Variants in SEMA3B observed in about 807,000 individuals in gnomAD.
SEMA3B encodes semaphorin 3B, also known as semaphorin-3B.
SEMA3B carries 71 observed loss-of-function variants against 77.8 expected under a neutral mutation model. The ratio of observed to expected loss-of-function variants is 0.91; its 90% CI spans 0.75 to 1.11. The LOEUF is 1.11. SEMA3B is among the 50% of genes most tolerant of loss of function. SEMA3B has a pLI of 0.00. For missense variants in SEMA3B, 968 were observed against 1,056.8 expected (o/e 0.92, Z 1.17); for synonymous variants, 470 against 452.9 (o/e 1.04, Z -0.48).
At chr3:50,263,467 C>G (rs1391111354), upstream of SEMA3B, 2 of 142,702 alleles carry the variant, frequency 1.4e-5, no homozygotes, top group Non-Finnish European at 3.0e-5. Flanking sequence ...CCACTGCACT[C>G]CAGCCTGGGT....
At position 50,269,334 on chromosome 3, in the gene SEMA3B, C is replaced by T. The variant is rs1209731029; in HGVS notation, c.94C>T (p.Arg32Trp). 3.0e-5 allele frequency: 46 copies of T among 1,508,552 alleles called. No individual in the cohort carries two copies. The highest frequency in any genetic ancestry group is 4.8e-5 in the Admixed American group (2 of 42,026). 93.4% of individuals were successfully genotyped at this position (1,508,552 alleles called of 1,614,324 possible). A position where few individuals can be genotyped will look rare whatever the true frequency, so the allele number is the denominator to read the frequency against. The change falls in exon 1 of 17, where the codon CGG (arginine) becomes TGG (tryptophan). Residue 32 changes from arginine (R) to tryptophan (W), a missense_variant. By Grantham distance (101) the Arg-to-Trp change is moderately radical. Coordinates refer to ENST00000616701, the MANE Select transcript of SEMA3B (RefSeq NM_001290060.2). This position sits in a 1 kb window ranked among gnomAD's most constrained non-coding sequence, Gnocchi z 4.0. ...TGCCGCCCCCAGCCCCCCACGCCTTCGGCTCTCCTTCCAAGGTAGGTGCAC... is the reference window on the plus strand; with the variant it reads ...TGCCGCCCCCAGCCCCCCACGCCTTTGGCTCTCCTTCCAAGGTAGGTGCAC... Reference protein sequence around the residue: ...GSAAPSPPRLRLSFQELQAWH... With the variant: ...GSAAPSPPRLWLSFQELQAWH...
the SEMA3B span, chr3:50,260,375 C>G: frequency 6.6e-6 from 1 of 152,244 alleles, no homozygotes; most frequent in Non-Finnish European, 1.5e-5. Context: ...ACCCCGTCCC[C>G]GCACACCTGC....
At position 50,276,709 on chromosome 3, in the gene SEMA3B, A is replaced by G. The variant is rs2109253140; in HGVS notation, c.*3A>G. On this transcript the variant is annotated 3_prime_UTR_variant, in exon 17 of 17. Transcript: ENST00000616701. This position sits in a 1 kb window ranked among gnomAD's most constrained non-coding sequence, Gnocchi z 5.8. ...CGCGCAGCGCAACGCACTGGTGACC[A>G]GACTGTCCCCACGCCGGGAACCAAG... The G allele has an allele frequency of 2.0e-6, 3 of 1,502,846 alleles. No individual in the cohort carries two copies. Among genetic ancestry groups the G allele is most frequent in the Non-Finnish European group, 2.6e-6 (3 of 1,134,372 alleles). The allele number at this position is 1,502,846 out of a possible 1,614,324, so 93.1% of individuals were successfully genotyped here.
At position 50,270,427 on chromosome 3, in the gene SEMA3B, C is replaced by G; in HGVS notation, c.268-6C>G. On this transcript the variant is annotated splice_polypyrimidine_tract_variant and splice_region_variant and intron_variant, in intron 2 of 16. Transcript: ENST00000616701. This position sits in a 1 kb window ranked among gnomAD's most constrained non-coding sequence, Gnocchi z 4.7. Reference sequence around the variant, plus strand: ...CTGTGTCCCCTCTCCCCCAACCTCCCGATAGCTGGCCTGGCCGGCCCCTGT... The same window carrying G: ...CTGTGTCCCCTCTCCCCCAACCTCCGGATAGCTGGCCTGGCCGGCCCCTGT... The G allele has an allele frequency of 6.2e-7, 1 of 1,613,756 alleles. No individual in the cohort carries two copies. Among genetic ancestry groups the G allele is most frequent in the African/African-American group, 1.3e-5 (1 of 75,038 alleles).
In SEMA3B at chr3:50,269,717, T is replaced by G. The variant is rs1435814428; in HGVS notation, c.109+368T>G. On this transcript the variant is annotated intron_variant, in intron 1 of 16. Transcript: ENST00000616701. This position sits in a 1 kb window ranked among gnomAD's most constrained non-coding sequence, Gnocchi z 4.0. ...GTGGCCCCTGGGCAGTGGCAGTGAA[T>G]AGGCAGTTCTGCTGAGCTCAGGCTG... Among the ~76,000 whole-genome samples, 2 of 152,144 alleles carry G rather than the reference T, an allele frequency of 1.3e-5. No individual in the cohort carries two copies. Among genetic ancestry groups the G allele is most frequent in the African/African-American group, 2.4e-5 (1 of 41,428 alleles).
chr3:50,270,187 C>A lies in SEMA3B; in HGVS notation c.170C>A (p.Ala57Asp). Residue 57 changes from alanine (A) to aspartate (D), a missense_variant, in exon 2 of 17, where the codon GCC becomes GAC. Ala to Asp is a moderately radical substitution (Grantham distance 126). Transcript: ENST00000616701. This position sits in a 1 kb window ranked among gnomAD's most constrained non-coding sequence, Gnocchi z 4.7. Reference sequence around the variant, plus strand: ...CTGGAGCGAACCTGCTGCTACCAGGCCTTGCTGGTGGATGAGGAGCGTGGA... The same window carrying A: ...CTGGAGCGAACCTGCTGCTACCAGGACTTGCTGGTGGATGAGGAGCGTGGA... ...FSLERTCCYQ[A>D]LLVDEERGRL... 1.3e-6 allele frequency: 2 copies of A among 1,598,624 alleles called. No homozygotes were observed. The highest frequency in any genetic ancestry group is 8.5e-7 in the Non-Finnish European group (1 of 1,173,584).
Position 50,275,334 on chromosome 3 carries a change from G to A in SEMA3B, c.1524G>A (p.Val508=), listed in dbSNP as rs2109248415. The A allele has an allele frequency of 1.3e-6, 2 of 1,580,232 alleles. No homozygotes were observed. The highest frequency in any genetic ancestry group is 2.3e-5 in the East Asian group (1 of 42,812). ...HQLYVASRSA[V]AQIALHRCAA... Reference sequence around the variant, plus strand: ...TGTACGTAGCCTCGCGGAGCGCGGTGGCCCAGATCGCGTTGCACCGCTGCG... The same window carrying A: ...TGTACGTAGCCTCGCGGAGCGCGGTAGCCCAGATCGCGTTGCACCGCTGCG... Residue 508 remains valine, a synonymous_variant, in exon 14 of 17, where the codon GTG becomes GTA. Coordinates refer to ENST00000616701, the MANE Select transcript of SEMA3B (RefSeq NM_001290060.2). This position sits in a 1 kb window ranked among gnomAD's most constrained non-coding sequence, Gnocchi z 7.5.
At chr3:50,268,603 G>A (rs1323397847), upstream of SEMA3B, among the ~76,000 whole-genome samples, 1 of 152,188 alleles carries the variant, frequency 6.6e-6, no homozygotes, top group Non-Finnish European at 1.5e-5. Flanking sequence ...ATCACAAGGG[G>A]ACACTCGGAA....
At position 50,270,802 on chromosome 3, in the gene SEMA3B, G is replaced by C; in HGVS notation, c.331-88G>C. ...AGTACTTGCCTGGGCTGATGCCGAA[G>C]AGAGGGAGGGGTGAGGATGCCACTG... On this transcript the variant is annotated intron_variant, in intron 3 of 16. Coordinates refer to ENST00000616701, the MANE Select transcript of SEMA3B (RefSeq NM_001290060.2). The surrounding 1 kb of genome is among the most constrained non-coding windows in gnomAD (Gnocchi z 4.7). The C allele has an allele frequency of 6.5e-7, 1 of 1,532,484 alleles. No homozygotes were observed. Among genetic ancestry groups the C allele is most frequent in the Non-Finnish European group, 8.8e-7 (1 of 1,134,866 alleles). 94.9% of individuals were successfully genotyped at this position (1,532,484 alleles called of 1,614,324 possible). A position where few individuals can be genotyped will look rare whatever the true frequency, so the allele number is the denominator to read the frequency against.
chr3:50,265,128 C>T (rs1220666171), upstream of SEMA3B, among the ~76,000 whole-genome samples: 1 of 152,188 alleles, frequency 6.6e-6, no homozygotes, highest in Admixed American at 6.5e-5. Context: ...GACATGCCTG[C>T]AGACGCTTCC....
At chr3:50,268,577 C>T (rs976382579), upstream of SEMA3B, among the ~76,000 whole-genome samples, 2 of 152,252 alleles carry the variant, frequency 1.3e-5, no homozygotes, top group African/African-American at 2.4e-5. Flanking sequence ...CACATACACA[C>T]TACACACATG....
chr3:50,274,105 G>A lies in SEMA3B; in HGVS notation c.1137+48G>A, dbSNP rs374933649. 4.3e-4 allele frequency: 677 copies of A among 1,589,524 alleles called. 8 individuals are homozygous for A. In the South Asian group the frequency reaches 7.4e-3, roughly 17 times the overall value. ...CTACAACCCACTTCAAAGCCTCAAGGGTTTGAGAACTTGGCCTGGGGTCTT... is the reference window on the plus strand; with the variant it reads ...CTACAACCCACTTCAAAGCCTCAAGAGTTTGAGAACTTGGCCTGGGGTCTT... On this transcript the variant is annotated intron_variant, in intron 10 of 16. Transcript: ENST00000616701. This position sits in a 1 kb window ranked among gnomAD's most constrained non-coding sequence, Gnocchi z 4.7.
rs782654535 is a variant in SEMA3B, at chr3:50,273,589, G to T, written c.865G>T (p.Ala289Ser). Reference protein sequence around the residue: ...LVNKWTTFLKARLVCSVPGVE... With the variant: ...LVNKWTTFLKSRLVCSVPGVE... Reference sequence around the variant, plus strand: ...CAACAAGTGGACGACGTTCCTGAAGGCGCGGCTGGTGTGCTCGGTGCCCGG... The same window carrying T: ...CAACAAGTGGACGACGTTCCTGAAGTCGCGGCTGGTGTGCTCGGTGCCCGG... The change falls in exon 8 of 17, where the codon GCG (alanine) becomes TCG (serine). Residue 289 changes from alanine to serine, a missense_variant. Transcript: ENST00000616701. The surrounding 1 kb of genome is among the most constrained non-coding windows in gnomAD (Gnocchi z 6.5). 3 of 1,613,168 alleles carry T rather than the reference G, an allele frequency of 1.9e-6. No individual in the cohort carries two copies. Among genetic ancestry groups the T allele is most frequent in the South Asian group, 1.1e-5 (1 of 91,074 alleles).
chr3:50,275,279 C>T lies in SEMA3B; in HGVS notation c.1492-23C>T, dbSNP rs782769866. ...AGGCGTGGGGTCGCCCTCGGTCAGC[C>T]CAGAGCCCCTCGTGCCCCCTAGCAC... On this transcript the variant is annotated intron_variant, in intron 13 of 16. Coordinates refer to ENST00000616701, the MANE Select transcript of SEMA3B (RefSeq NM_001290060.2). This position sits in a 1 kb window ranked among gnomAD's most constrained non-coding sequence, Gnocchi z 7.5. 6 of 1,525,598 alleles carry T rather than the reference C, an allele frequency of 3.9e-6. No homozygotes were observed. In the South Asian group the frequency reaches 6.2e-5, roughly 16 times the overall value. The allele number at this position is 1,525,598 out of a possible 1,614,324, so 94.5% of individuals were successfully genotyped here. A position where few individuals can be genotyped will look rare whatever the true frequency, so the allele number is the denominator to read the frequency against.
rs1451161770 is a variant in SEMA3B at position 50,273,110 on chromosome 3, T to C, written c.665-188T>C. On this transcript the variant is annotated intron_variant, in intron 6 of 16. Transcript: ENST00000616701. This position sits in a 1 kb window ranked among gnomAD's most constrained non-coding sequence, Gnocchi z 6.5. ...TGCCCCCTCGCGGCTGCTTCTTGCC[T>C]CGCAGGCCCTGATCCTTTGGATTCG... is the stretch of plus-strand genomic sequence containing the variant. The C allele has an allele frequency of 2.0e-5, 19 of 937,232 alleles. No homozygotes were observed. The Admixed American group carries it at 6.2e-4, about 30-fold the overall frequency. The allele number at this position is 937,232 out of a possible 1,614,324, so 58.1% of individuals were successfully genotyped here. A position where few individuals can be genotyped will look rare whatever the true frequency, so the allele number is the denominator to read the frequency against.
rs1701210234 is a variant in SEMA3B, at chr3:50,275,614, AG to A, written c.1705+1del. The A allele has an allele frequency of 1.2e-5, 19 of 1,613,688 alleles. No individual in the cohort carries two copies. The highest frequency in any genetic ancestry group is 1.6e-5 in the Non-Finnish European group (19 of 1,179,846). On this transcript the variant is annotated frameshift_variant and splice_region_variant, in exon 15 of 17. Transcript: ENST00000616701. LOFTEE classifies it high-confidence loss of function. The surrounding 1 kb of genome is among the most constrained non-coding windows in gnomAD (Gnocchi z 7.5). ...NGDPSTLCSG[D>X]SSRPALLEHK... ...GCGACCCCAGCACGTTGTGCTCCGG[AG>A]GTGAGTGCCCCAGCTGCCCCTACCC...
Position 50,273,415 on chromosome 3 carries a change from C to G in SEMA3B, c.782C>G (p.Ser261Cys), listed in dbSNP as rs921870045. ...GCGGCGCCGGCACTGGGACGCCTGTCCGTGTCCCGCGTTGGCCAGATCTGC... is the reference window on the plus strand; with the variant it reads ...GCGGCGCCGGCACTGGGACGCCTGTGCGTGTCCCGCGTTGGCCAGATCTGC... ...VEAAPALGRLSVSRVGQICRN... is the reference protein window; with the variant it reads ...VEAAPALGRLCVSRVGQICRN... The change falls in exon 7 of 17, where the codon TCC (serine) becomes TGC (cysteine). Residue 261 changes from serine (S) to cysteine (C), a missense_variant. Coordinates refer to ENST00000616701, the MANE Select transcript of SEMA3B (RefSeq NM_001290060.2). This position sits in a 1 kb window ranked among gnomAD's most constrained non-coding sequence, Gnocchi z 6.5. 1 of 1,613,706 alleles carries G rather than the reference C, an allele frequency of 6.2e-7. No individual in the cohort carries two copies. The highest frequency in any genetic ancestry group is 2.2e-5 in the East Asian group (1 of 44,880).
chr3:50,274,767 C>A lies in SEMA3B; in HGVS notation c.1358-76C>A. On this transcript the variant is annotated intron_variant, in intron 11 of 16. Transcript: ENST00000616701. The surrounding 1 kb of genome is among the most constrained non-coding windows in gnomAD (Gnocchi z 4.7). Reference sequence around the variant, plus strand: ...ACAACCCAAACATGCTGAGGGTAGACGCCTCAAAGGCGAGGAGACACTAGC... The same window carrying A: ...ACAACCCAAACATGCTGAGGGTAGAAGCCTCAAAGGCGAGGAGACACTAGC... 1 of 1,508,358 alleles carries A rather than the reference C, an allele frequency of 6.6e-7. No individual in the cohort carries two copies. The highest frequency in any genetic ancestry group is 9.1e-7 in the Non-Finnish European group (1 of 1,100,880). 93.4% of individuals were successfully genotyped at this position (1,508,358 alleles called of 1,614,324 possible). A position where few individuals can be genotyped will look rare whatever the true frequency, so the allele number is the denominator to read the frequency against.
Position 50,273,031 on chromosome 3 carries a change from A to G in SEMA3B, c.665-267A>G, listed in dbSNP as rs2109242401. 2.2e-6 allele frequency: 1 copy of G among 463,174 alleles called. No homozygotes were observed. The highest frequency in any genetic ancestry group is 4.3e-5 in the East Asian group (1 of 23,432). 28.7% of individuals were successfully genotyped at this position (463,174 alleles called of 1,614,324 possible). Reference sequence around the variant, plus strand: ...GGTGCTGGGCGACGTGTGGGGCGAGATCGGAGGCTAGCCGGGCTTCACGCC... The same window carrying G: ...GGTGCTGGGCGACGTGTGGGGCGAGGTCGGAGGCTAGCCGGGCTTCACGCC... On this transcript the variant is annotated intron_variant, in intron 6 of 16. Coordinates refer to ENST00000616701, the MANE Select transcript of SEMA3B (RefSeq NM_001290060.2). This position sits in a 1 kb window ranked among gnomAD's most constrained non-coding sequence, Gnocchi z 6.5.
Sources: allele counts gnomAD v4.1 joint callset (sites outside exome capture counted in the v4.1 genomes callset), GRCh38; gene constraint gnomAD v4.1.1; non-coding constraint Gnocchi (gnomAD v3.1); transcripts MANE v1.5; gene names NCBI Gene and HGNC (gene_info 2026-07-23, HGNC 2026-07-21).